SHISA9: variants seen among roughly 807,000 people sequenced by gnomAD.
SHISA9 encodes protein shisa-9.
A neutral mutation model predicts 38.0 loss-of-function variants in SHISA9; 13 were observed. The observed-to-expected ratio is 0.34, with a 90% confidence interval of 0.22 to 0.54. The LOEUF is 0.54. Among genes scored for constraint, SHISA9 ranks in the 20% least tolerant of loss-of-function variants. The pLI is 0.91. For missense variants in SHISA9, 538 were observed against 575.8 expected (o/e 0.93, Z 0.67); for synonymous variants, 275 against 242.0 (o/e 1.14, Z -1.27).
intron 2 of SHISA9, among the ~76,000 whole-genome samples, chr16:13,019,012 T>A (rs771673606): frequency 2.6e-5 from 4 of 152,118 alleles, no homozygotes; most frequent in Non-Finnish European, 4.4e-5. Context: ...TTTTTTTTCT[T>A]TTTTTGAGAC....
At chr16:13,158,249 C>G (rs938068352) in intron 2 of SHISA9, among the ~76,000 whole-genome samples, 2 of 152,198 alleles carry the variant, frequency 1.3e-5, no homozygotes, top group African/African-American at 4.8e-5. Flanking sequence ...CCAGCTTTGC[C>G]TCTCACTGAC....
rs2051403365 is a variant in SHISA9 at position 13,238,146 on chromosome 16, T to G, written c.*2737T>G. ...CTCCATCTCTCTGTTTCTGTTTCTC[T>G]CTCTCTCTTAAAATGATATCATCAG... On this transcript the variant is annotated 3_prime_UTR_variant, in exon 5 of 5. Coordinates refer to ENST00000558583, the MANE Select transcript of SHISA9 (RefSeq NM_001145204.3). 1.3e-5 allele frequency: 2 copies of G among 152,140 alleles called. No individual in the cohort carries two copies. Among genetic ancestry groups the G allele is most frequent in the Non-Finnish European group, 2.9e-5 (2 of 68,026 alleles). 9.4% of individuals were successfully genotyped at this position (152,140 alleles called of 1,614,324 possible).
rs564709363 is a variant in SHISA9 at position 13,161,251 on chromosome 16, C to A, written c.692-42143C>A. Among the ~76,000 whole-genome samples, 6 of 152,176 alleles carry A rather than the reference C, an allele frequency of 3.9e-5. No individual in the cohort carries two copies. The South Asian group carries it at 1.2e-3, about 32-fold the overall frequency. ...GTCAGAGTCAAAAGGCGTGGTGAGC[C>A]CTTTGCTACATTGATGGGTCGCTCT... On this transcript the variant is annotated intron_variant, in intron 2 of 4. Transcript: ENST00000558583.
intron 2 of SHISA9, among the ~76,000 whole-genome samples, chr16:13,024,318 C>T (rs2072894533): frequency 6.6e-6 from 1 of 152,200 alleles, no homozygotes; most frequent in South Asian, 2.1e-4. Flanking sequence ...TGTCATTGCT[C>T]TTCCTGGGCT....
intron 2 of SHISA9, among the ~76,000 whole-genome samples, chr16:13,050,708 C>T (rs985703153): frequency 6.6e-6 from 1 of 152,222 alleles, no homozygotes; most frequent in Admixed American, 6.5e-5. Context: ...TAGAATCTAA[C>T]TGGGGAAGCC....
chr16:13,024,793 T>C (rs2072900382), intron 2 of SHISA9, among the ~76,000 whole-genome samples: 1 of 152,138 alleles, frequency 6.6e-6, no homozygotes, highest in Non-Finnish European at 1.5e-5. Flanking sequence ...CAGTAGACCC[T>C]CAAAGTTCCT....
rs181134690 is a variant in SHISA9 at position 13,198,870 on chromosome 16, G to C, written c.692-4524G>C. On this transcript the variant is annotated intron_variant, in intron 2 of 4. Coordinates refer to ENST00000558583, the MANE Select transcript of SHISA9 (RefSeq NM_001145204.3). ...ACTGGAAATGCACCTTCTGGATGGT[G>C]TCACTTCTTTTGAGAGGGATCGCTT... 1.6e-3 allele frequency among the ~76,000 whole-genome samples: 249 copies of C among 152,316 alleles called. 2 individuals carry two copies. The highest frequency in any genetic ancestry group is 5.7e-3 in the African/African-American group (236 of 41,564).
chr16:13,310,077 G>A, the SHISA9 span, among the ~76,000 whole-genome samples: 1 of 152,028 alleles, frequency 6.6e-6, no homozygotes, highest in Non-Finnish European at 1.5e-5. Flanking sequence ...TAGTAGAGAT[G>A]GGGTTTCACC....
At chr16:13,077,971 A>T (rs2073602836) in intron 2 of SHISA9, among the ~76,000 whole-genome samples, 2 of 152,354 alleles carry the variant, frequency 1.3e-5, no homozygotes, top group African/African-American at 4.8e-5. Flanking sequence ...AAAGAAGGCA[A>T]GGAGGACAAA....
chr16:13,342,891 A>G, the SHISA9 span, among the ~76,000 whole-genome samples: 1 of 152,090 alleles, frequency 6.6e-6, no homozygotes. Flanking sequence ...AAAAACCACA[A>G]CAGAGAAAAA....
At chr16:12,976,408 A>G (rs545669315) in intron 2 of SHISA9, among the ~76,000 whole-genome samples, 35 of 152,124 alleles carry the variant, frequency 2.3e-4, no homozygotes, top group African/African-American at 8.4e-4. Flanking sequence ...TTAATTTTTT[A>G]TGGGTGTGGC....
intron 2 of SHISA9, among the ~76,000 whole-genome samples, chr16:12,970,449 A>ATG (rs1456930267): frequency 2.2e-5 from 2 of 89,406 alleles, no homozygotes; most frequent in African/African-American, 1.0e-4. Flanking sequence ...ACACACATAT[A>ATG]TATATACATA....
the SHISA9 span, among the ~76,000 whole-genome samples, chr16:13,412,520 A>G: frequency 1.3e-5 from 2 of 151,858 alleles, no homozygotes; most frequent in Non-Finnish European, 2.9e-5. Flanking sequence ...TGCAAGACAC[A>G]TAGATGAACC....
At chr16:13,067,545 C>G (rs753935073) in intron 2 of SHISA9, among the ~76,000 whole-genome samples, 13 of 152,228 alleles carry the variant, frequency 8.5e-5, no homozygotes, top group Non-Finnish European at 1.3e-4. Context: ...CATGTAATTT[C>G]TCTCCTAGAA....
At chr16:13,248,956 C>T in the SHISA9 span, among the ~76,000 whole-genome samples, 1 of 152,144 alleles carries the variant, frequency 6.6e-6, no homozygotes, top group Non-Finnish European at 1.5e-5. Flanking sequence ...GCAGGGCTTT[C>T]ATTCTTATGT....
intron 3 of SHISA9, among the ~76,000 whole-genome samples, chr16:13,212,716 T>C (rs60256156): frequency 0.2 from 29,896 of 152,130 alleles, 3,138 homozygotes; most frequent in East Asian, 0.36. Context: ...GGTACTGTGG[T>C]AAGGTAGCCC....
At chr16:13,332,147 C>T in the SHISA9 span, among the ~76,000 whole-genome samples, 1 of 152,246 alleles carries the variant, frequency 6.6e-6, no homozygotes, top group Admixed American at 6.5e-5. Context: ...GAGAGGCCCT[C>T]TGCTGGTATA....
intron 2 of SHISA9, among the ~76,000 whole-genome samples, chr16:13,195,628 G>A (rs1200935942): frequency 1.3e-5 from 2 of 152,128 alleles, no homozygotes; most frequent in African/African-American, 4.8e-5. Flanking sequence ...TTTTATAGAG[G>A]AGAAATCTGT....
intron 2 of SHISA9, among the ~76,000 whole-genome samples, chr16:13,094,312 C>T (rs2073804818): frequency 2.6e-5 from 4 of 152,100 alleles, no homozygotes; most frequent in Admixed American, 2.6e-4. Flanking sequence ...TGAAATAGGC[C>T]ATTAGACAAA....
Sources: gnomAD v4.1 joint callset for allele counts (sites outside exome capture counted in the v4.1 genomes callset) on GRCh38, gnomAD v4.1.1 for gene constraint, MANE v1.5 for transcripts, NCBI Gene and HGNC (gene_info 2026-07-23, HGNC 2026-07-21) for gene names.